The following CAP2 variants were observed in gnomAD, a reference collection of about 807,000 sequenced individuals.
The protein encoded by CAP2 is cyclase associated actin cytoskeleton regulatory protein 2.
Under a neutral mutation model 57.7 loss-of-function variants are expected in CAP2, and 24 were observed. The ratio of observed to expected loss-of-function variants is 0.42; its 90% CI spans 0.30 to 0.58. The LOEUF is 0.58. CAP2 is among the 20% of genes least tolerant of loss of function. CAP2 has a pLI of 0.22. For missense variants in CAP2, 501 were observed against 590.3 expected, an observed-to-expected ratio of 0.85 and a Z score of 1.57; for synonymous variants, 194 against 207.2, an observed-to-expected ratio of 0.94 and a Z score of 0.55.
intron 4 of CAP2, among the ~76,000 whole-genome samples, chr6:17,483,341 CCTCCA>C (rs1761341412): frequency 6.6e-6 from 1 of 151,894 alleles, no homozygotes; most frequent in Non-Finnish European, 1.5e-5. Context: ...TCTTTTTTTT[CCTCCA>C]TTGTTTTCCT....
At chr6:17,443,952 CAT>C (rs1483360788) in intron 3 of CAP2, among the ~76,000 whole-genome samples, 13 of 152,288 alleles carry the variant, frequency 8.5e-5, no homozygotes, top group African/African-American at 2.6e-4. Flanking sequence ...AGAGAACTCA[CAT>C]GTGTTTGCAA....
chr6:17,520,350 T>G (rs1267541321), intron 7 of CAP2, among the ~76,000 whole-genome samples: 1 of 152,164 alleles, frequency 6.6e-6, no homozygotes, highest in Non-Finnish European at 1.5e-5. Context: ...GCTCAAGTGA[T>G]CCGCCTGCCT....
chr6:17,516,131 T>C (rs1277062569), intron 7 of CAP2, among the ~76,000 whole-genome samples: 1 of 152,228 alleles, frequency 6.6e-6, no homozygotes, highest in African/African-American at 2.4e-5. Context: ...TCCATTGATC[T>C]CCATCAGCTC....
intron 7 of CAP2, among the ~76,000 whole-genome samples, chr6:17,528,903 T>TG (rs1227873338): frequency 6.6e-6 from 1 of 152,200 alleles, no homozygotes; most frequent in African/African-American, 2.4e-5. Context: ...TTTGTTTTTA[T>TG]TGACAGAAGT....
intron 3 of CAP2, among the ~76,000 whole-genome samples, chr6:17,459,564 AG>A (rs1325833565): frequency 5.9e-5 from 9 of 152,238 alleles, no homozygotes; most frequent in Non-Finnish European, 8.8e-5. Flanking sequence ...GAACAGAAAC[AG>A]GTTCCTCAAT....
intron 11 of CAP2, among the ~76,000 whole-genome samples, chr6:17,550,282 A>G (rs1763138883): frequency 6.6e-6 from 1 of 151,962 alleles, no homozygotes; most frequent in South Asian, 2.1e-4. Context: ...TAGAAAAGAC[A>G]TCTAGAAATT....
chr6:17,522,889 G>A (rs889453531), intron 7 of CAP2, among the ~76,000 whole-genome samples: 1 of 152,114 alleles, frequency 6.6e-6, no homozygotes, highest in Non-Finnish European at 1.5e-5. Context: ...CCGCATTCTG[G>A]GTTCAGGTGA....
At chr6:17,460,719 T>C (rs1366045027) in intron 3 of CAP2, among the ~76,000 whole-genome samples, 2 of 152,250 alleles carry the variant, frequency 1.3e-5, no homozygotes, top group African/African-American at 4.8e-5. Context: ...TTAACAGTTC[T>C]TTTTCATTTA....
chr6:17,440,614 G>T (rs9396774), intron 3 of CAP2, among the ~76,000 whole-genome samples: 2,423 of 141,642 alleles, frequency 0.017, 114 homozygotes, highest in African/African-American at 0.057. Context: ...AACTGTGTGT[G>T]GTGTGTGTGT....
chr6:17,462,048 G>T (rs369420856), intron 3 of CAP2, among the ~76,000 whole-genome samples: 4 of 81,240 alleles, frequency 4.9e-5, no homozygotes, highest in Admixed American at 3.6e-4. Flanking sequence ...AAAGAAAAAA[G>T]AACCAAAAAA....
intron 7 of CAP2, among the ~76,000 whole-genome samples, chr6:17,529,651 A>AAAAAAAAATATATATATAT (rs10656588): frequency 7.4e-5 from 10 of 134,534 alleles, no homozygotes; most frequent in African/African-American, 2.9e-4. Context: ...AAAAAAAAAA[A>AAAAAAAAATATATATATAT]ATATATATAT....
rs1057312968 is a variant in CAP2 at position 17,452,898 on chromosome 6, A to G, written c.223-10098A>G. 2.0e-5 allele frequency among the ~76,000 whole-genome samples: 3 copies of G among 152,158 alleles called. No homozygotes were observed. In the East Asian group the frequency reaches 5.8e-4, roughly 29 times the overall value. On this transcript the variant is annotated intron_variant, in intron 3 of 12. Coordinates refer to ENST00000229922, the MANE Select transcript of CAP2 (RefSeq NM_006366.3). ...TTCATGGGGAGATGAACTGGAATGG[A>G]AGTTCCATAACATTGCCTGAATAAG... is the stretch of plus-strand genomic sequence containing the variant.
At chr6:17,452,945 A>G (rs934939336) in intron 3 of CAP2, among the ~76,000 whole-genome samples, 2 of 152,218 alleles carry the variant, frequency 1.3e-5, no homozygotes, top group Non-Finnish European at 2.9e-5. Flanking sequence ...TTTAAAAAAA[A>G]GTGGAGGAGG....
chr6:17,484,243 G>C (rs947771771), intron 4 of CAP2, among the ~76,000 whole-genome samples: 1 of 152,042 alleles, frequency 6.6e-6, no homozygotes, highest in Non-Finnish European at 1.5e-5. Context: ...TGTGGGCAGA[G>C]AAAGATAGAA....
At chr6:17,441,452 T>A (rs992698133) in intron 3 of CAP2, among the ~76,000 whole-genome samples, 1 of 151,630 alleles carries the variant, frequency 6.6e-6, no homozygotes. Flanking sequence ...TACATAGGCT[T>A]ATTTCAGATC....
At chr6:17,399,180 C>G (rs531572440) in intron 1 of CAP2, among the ~76,000 whole-genome samples, 4 of 152,352 alleles carry the variant, frequency 2.6e-5, no homozygotes, top group Non-Finnish European at 5.9e-5. Context: ...TCTCGTGCCT[C>G]AGCCTTCCCA....
At chr6:17,522,107 T>C (rs1199144393) in intron 7 of CAP2, among the ~76,000 whole-genome samples, 1 of 151,668 alleles carries the variant, frequency 6.6e-6, no homozygotes, top group East Asian at 1.9e-4. Context: ...AGACTCTGTC[T>C]CAAAAAAGAC....
At chr6:17,419,298 C>G (rs1759367871) in intron 1 of CAP2, among the ~76,000 whole-genome samples, 1 of 152,174 alleles carries the variant, frequency 6.6e-6, no homozygotes, top group South Asian at 2.1e-4. Flanking sequence ...AATTTATTTA[C>G]CCCTGCTTTA....
chr6:17,542,137 T>C (rs1762918565), intron 9 of CAP2, among the ~76,000 whole-genome samples: 1 of 152,156 alleles, frequency 6.6e-6, no homozygotes, highest in Non-Finnish European at 1.5e-5. Context: ...CCATTCTACT[T>C]TCTGTCTCTA....
Sources: gnomAD v4.1 joint callset for allele counts (sites outside exome capture counted in the v4.1 genomes callset) on GRCh38, gnomAD v4.1.1 for gene constraint, MANE v1.5 for transcripts, NCBI Gene and HGNC (gene_info 2026-07-23, HGNC 2026-07-21) for gene names.